GPC6: variants seen among roughly 807,000 people sequenced by gnomAD.
GPC6 encodes the protein glypican-6.
A neutral mutation model predicts 55.2 loss-of-function variants in GPC6; 14 were observed. That is an observed-to-expected ratio of 0.25 (90% CI 0.17 to 0.40). The LOEUF is 0.40. GPC6 is among the 10% of genes least tolerant of loss of function. The pLI, the probability that GPC6 is intolerant of heterozygous loss-of-function variation, is 1.00. For synonymous variants in GPC6, 278 were observed against 259.6 expected (o/e 1.07, Z -0.68); for missense variants, 641 against 708.5 (o/e 0.90, Z 1.08).
intron 3 of GPC6, among the ~76,000 whole-genome samples, chr13:93,834,766 G>A (rs1173726812): frequency 2.6e-5 from 4 of 152,096 alleles, no homozygotes; most frequent in African/African-American, 9.7e-5. Flanking sequence ...ACTGTTCATG[G>A]ACCTGCTAGC....
chr13:94,113,358 A>G lies in GPC6; in HGVS notation c.877+85464A>G, dbSNP rs1010291073. On this transcript the variant is annotated intron_variant, in intron 4 of 8. Coordinates refer to ENST00000377047, the MANE Select transcript of GPC6 (RefSeq NM_005708.5). Reference sequence around the variant, plus strand: ...GCCAAAAAAAAGTTAAGTTAATCATACTCTCAGTTCCTAGCTCATTATTAT... The same window carrying G: ...GCCAAAAAAAAGTTAAGTTAATCATGCTCTCAGTTCCTAGCTCATTATTAT... Among the ~76,000 whole-genome samples, 5 of 151,888 alleles carry G rather than the reference A, an allele frequency of 3.3e-5. No homozygotes were observed. In the East Asian group the frequency reaches 9.7e-4, roughly 29 times the overall value.
chr13:93,365,236 A>G (rs1378691909), intron 1 of GPC6, among the ~76,000 whole-genome samples: 1 of 152,032 alleles, frequency 6.6e-6, no homozygotes, highest in African/African-American at 2.4e-5. Context: ...ACTCTTCCTG[A>G]TATAAGTACG....
At chr13:93,844,687 G>A (rs59124470) in intron 3 of GPC6, among the ~76,000 whole-genome samples, 5,871 of 146,800 alleles carry the variant, frequency 0.04, 284 homozygotes, top group East Asian at 0.17. Context: ...TGTTGCCATT[G>A]CTTTTGGTGT....
chr13:94,018,908 G>A (rs377206026), intron 3 of GPC6, among the ~76,000 whole-genome samples: 23 of 152,240 alleles, frequency 1.5e-4, no homozygotes, highest in East Asian at 1.2e-3. Context: ...TTGATGATCC[G>A]AGGTGGAACA....
chr13:94,285,870 A>G (rs1892515621), intron 4 of GPC6, among the ~76,000 whole-genome samples: 1 of 152,306 alleles, frequency 6.6e-6, no homozygotes, highest in Admixed American at 6.5e-5. Context: ...TCACATCCAG[A>G]CAGATCTGTA....
rs868048960 is a variant in GPC6, at chr13:94,079,611, A to G, written c.877+51717A>G. Reference sequence around the variant, plus strand: ...TTACACTTTAATATTTCTAACTAATAGGACATTTCAAGTGTATGTCCCATG... The same window carrying G: ...TTACACTTTAATATTTCTAACTAATGGGACATTTCAAGTGTATGTCCCATG... On this transcript the variant is annotated intron_variant, in intron 4 of 8. Coordinates refer to ENST00000377047, the MANE Select transcript of GPC6 (RefSeq NM_005708.5). Among the ~76,000 whole-genome samples the G allele has an allele frequency of 5.3e-5, 8 of 152,338 alleles. No homozygotes were observed. The East Asian group carries it at 1.3e-3, about 26-fold the overall frequency.
chr13:93,341,461 CTCA>C (rs1880251916), intron 1 of GPC6, among the ~76,000 whole-genome samples: 1 of 152,156 alleles, frequency 6.6e-6, no homozygotes, highest in African/African-American at 2.4e-5. Context: ...AAGGTGGTAT[CTCA>C]TTGTGGTTTT....
At chr13:94,361,502 G>T (rs1290840931) in intron 6 of GPC6, among the ~76,000 whole-genome samples, 4 of 152,204 alleles carry the variant, frequency 2.6e-5, no homozygotes, top group African/African-American at 4.8e-5. Flanking sequence ...TACACAGTAG[G>T]TTTGCATTAG....
intron 4 of GPC6, among the ~76,000 whole-genome samples, chr13:94,107,578 T>TC (rs1491223413): frequency 9.7e-5 from 4 of 41,292 alleles, no homozygotes; most frequent in African/African-American, 2.1e-4. Context: ...TTTCTTTCTC[T>TC]TTTTTTTTTT....
intron 2 of GPC6, among the ~76,000 whole-genome samples, chr13:93,829,196 C>T (rs1887389983): frequency 6.6e-6 from 1 of 152,166 alleles, no homozygotes; most frequent in Non-Finnish European, 1.5e-5. Flanking sequence ...CTTTCCCTAC[C>T]CCAATTTATA....
intron 4 of GPC6, among the ~76,000 whole-genome samples, chr13:94,242,424 G>T (rs1026069786): frequency 6.6e-6 from 1 of 151,956 alleles, no homozygotes; most frequent in African/African-American, 2.4e-5. Flanking sequence ...AAATCATGCT[G>T]CTATAAAGAC....
intron 2 of GPC6, among the ~76,000 whole-genome samples, chr13:93,726,790 A>G (rs1883661402): frequency 6.6e-6 from 1 of 152,072 alleles, no homozygotes; most frequent in Non-Finnish European, 1.5e-5. Flanking sequence ...TTCTTCCAAT[A>G]CAAGGACAAC....
intron 1 of GPC6, among the ~76,000 whole-genome samples, chr13:93,515,169 C>T (rs544842211): frequency 2.7e-4 from 41 of 152,124 alleles, no homozygotes; most frequent in African/African-American, 9.6e-4. Context: ...AGTGAGTATA[C>T]GGTAAGAAGA....
chr13:94,264,491 A>G (rs1891737282), intron 4 of GPC6, among the ~76,000 whole-genome samples: 1 of 152,178 alleles, frequency 6.6e-6, no homozygotes, highest in Non-Finnish European at 1.5e-5. Context: ...CTTTCAGCAT[A>G]TATTTGTTGT....
intron 3 of GPC6, among the ~76,000 whole-genome samples, chr13:93,911,008 T>C (rs1876945524): frequency 6.6e-6 from 1 of 152,196 alleles, no homozygotes; most frequent in Admixed American, 6.5e-5. Flanking sequence ...TTCTTTGAAA[T>C]CAGAATCCAA....
intron 4 of GPC6, among the ~76,000 whole-genome samples, chr13:94,131,557 G>A (rs1887001345): frequency 6.6e-6 from 1 of 152,062 alleles, no homozygotes; most frequent in South Asian, 2.1e-4. Context: ...TTCAATTTCT[G>A]TATACGGGAG....
chr13:93,338,137 T>C (rs1257780512), intron 1 of GPC6, among the ~76,000 whole-genome samples: 1 of 152,196 alleles, frequency 6.6e-6, no homozygotes, highest in Non-Finnish European at 1.5e-5. Context: ...TTCTCTTCTA[T>C]ACCTATAAAT....
chr13:94,225,246 A>G (rs965871485), intron 4 of GPC6, among the ~76,000 whole-genome samples: 2 of 152,132 alleles, frequency 1.3e-5, no homozygotes, highest in Non-Finnish European at 2.9e-5. Flanking sequence ...GGCTTCATCA[A>G]CATCATCTTA....
intron 2 of GPC6, among the ~76,000 whole-genome samples, chr13:93,710,789 C>G (rs1233456921): frequency 6.6e-6 from 1 of 150,502 alleles, no homozygotes. Context: ...TAAGTAATAG[C>G]CTCTAATGTT....
Sources: allele counts gnomAD v4.1 joint callset (sites outside exome capture counted in the v4.1 genomes callset), GRCh38; gene constraint gnomAD v4.1.1; transcripts MANE v1.5; gene names NCBI Gene and HGNC (gene_info 2026-07-23, HGNC 2026-07-21).